The following SLFN12 variants were observed in gnomAD, a reference collection of about 807,000 sequenced individuals.
SLFN12 encodes the protein schlafen family member 12.
A neutral mutation model predicts 29.1 loss-of-function variants in SLFN12; 25 were observed. The ratio of observed to expected loss-of-function variants is 0.86; its 90% CI spans 0.63 to 1.20. The LOEUF (loss-of-function observed/expected upper bound fraction) is 1.20, where lower values mean the gene tolerates loss of function less well. SLFN12 is among the 50% of genes most tolerant of loss of function. The probability of loss-of-function intolerance (pLI) is 0.00; values close to 1 mark genes in which losing one functional copy is unlikely to be tolerated. For synonymous variants in SLFN12, 257 were observed against 238.7 expected (o/e 1.08, Z -0.71); for missense variants, 660 against 666.2 (o/e 0.99, Z 0.10).
chr17:35,415,400 C>G (rs1238484347), intron 3 of SLFN12, among the ~76,000 whole-genome samples: 1 of 152,006 alleles, frequency 6.6e-6, no homozygotes, highest in Non-Finnish European at 1.5e-5. Flanking sequence ...AGACCTGAAA[C>G]CATAAAAATT....
intron 3 of SLFN12, among the ~76,000 whole-genome samples, chr17:35,419,582 T>C (rs767979457): frequency 2.6e-5 from 4 of 152,006 alleles, no homozygotes; most frequent in Admixed American, 6.6e-5. Context: ...TTATACACAT[T>C]TGATTGAGAA....
chr17:35,419,274 T>C (rs1310971858), intron 3 of SLFN12, among the ~76,000 whole-genome samples: 2 of 152,216 alleles, frequency 1.3e-5, no homozygotes, highest in East Asian at 3.9e-4. Flanking sequence ...TTTGCCTACA[T>C]TAAAATTTAA....
At chr17:35,429,313 G>A (rs766769490) in intron 1 of SLFN12, among the ~76,000 whole-genome samples, 13 of 151,946 alleles carry the variant, frequency 8.6e-5, no homozygotes, top group Non-Finnish European at 1.8e-4. Context: ...AACTAGCCTG[G>A]GATCCCGGTC....
chr17:35,422,931 T>C lies in SLFN12; in HGVS notation c.98A>G (p.Asp33Gly). 4 of 1,613,916 alleles carry C rather than the reference T, an allele frequency of 2.5e-6. No individual in the cohort carries two copies. The highest frequency in any genetic ancestry group is 1.7e-5 in the Admixed American group (1 of 60,008). Residue 33 changes from aspartate (D) to glycine (G), a missense_variant, in exon 2 of 4, where the codon GAT (aspartate) becomes GGT (glycine). Physicochemically the swap from Asp to Gly is moderately conservative, Grantham distance 94 (BLOSUM62 -1). Coordinates refer to ENST00000304905, the MANE Select transcript of SLFN12 (RefSeq NM_018042.5). ...LGENSRKKMKDCKLRKKQNES... is the reference protein window; with the variant it reads ...LGENSRKKMKGCKLRKKQNES... The stretch of plus-strand genomic sequence containing the variant: ...ATTCTGCTTTTTTCTCAGTTTACAA[T>C]CCTTCATTTTTTTCCTACTGTTCTC...
chr17:35,426,419 A>G lies in SLFN12; in HGVS notation c.-40-3351T>C, dbSNP rs576455067. On this transcript the variant is annotated intron_variant, in intron 1 of 3. Coordinates refer to ENST00000304905, the MANE Select transcript of SLFN12 (RefSeq NM_018042.5). ...TCATATATTTTCTTCTAGTAGTTTTATAATTTCAGCTATTACATCTAAGTC... is the reference window on the plus strand; with the variant it reads ...TCATATATTTTCTTCTAGTAGTTTTGTAATTTCAGCTATTACATCTAAGTC... Among the ~76,000 whole-genome samples, 49 of 152,180 alleles carry G rather than the reference A, an allele frequency of 3.2e-4. 1 individual carries two copies. Among genetic ancestry groups the G allele is most frequent in the African/African-American group, 1.2e-3 (48 of 41,550 alleles).
rs200992312 is a variant in SLFN12, at chr17:35,420,295, G to A, written c.1126C>T (p.Arg376Trp). Residue 376 changes from arginine (R) to tryptophan (W), a missense_variant, in exon 3 of 4, where the codon CGG becomes TGG. Transcript: ENST00000304905. Reference sequence around the variant, plus strand: ...TTACCTGGACAGTGATGTCTCTGCCGTTGCCATTCCAAAAGAGGCCAACTG... The same window carrying A: ...TTACCTGGACAGTGATGTCTCTGCCATTGCCATTCCAAAAGAGGCCAACTG... ...PHSWPLLEWQ[R>W]QRHHCPGLSG... 41 of 1,612,818 alleles carry A rather than the reference G, an allele frequency of 2.5e-5. No homozygotes were observed. Among genetic ancestry groups the A allele is most frequent in the Middle Eastern group, 3.3e-4 (2 of 6,060 alleles).
intron 3 of SLFN12, among the ~76,000 whole-genome samples, chr17:35,417,574 C>G (rs1295142647): frequency 6.6e-6 from 1 of 152,028 alleles, no homozygotes; most frequent in Non-Finnish European, 1.5e-5. Flanking sequence ...GACACACTCT[C>G]TTTAAAATCT....
At chr17:35,430,526 G>C (rs997253495) in intron 1 of SLFN12, 3 of 152,076 alleles carry the variant, frequency 2.0e-5, no homozygotes, top group African/African-American at 7.2e-5. Context: ...GTGTCCTCAT[G>C]GTCGCATATT....
At chr17:35,431,802 C>T (rs1331548474) in intron 1 of SLFN12, 3 of 152,044 alleles carry the variant, frequency 2.0e-5, no homozygotes, top group Admixed American at 6.6e-5. Context: ...GAAATGGAGG[C>T]TAGGTGGGTT....
Position 35,411,679 on chromosome 17 carries a change from A to G in SLFN12, c.1396T>C (p.Phe466Leu). The G allele has an allele frequency of 1.9e-6, 3 of 1,613,866 alleles. No homozygotes were observed. Among genetic ancestry groups the G allele is most frequent in the Non-Finnish European group, 2.5e-6 (3 of 1,179,956 alleles). ...GCAGTTTGTGTAGAATAGCCTTTAAACTCCTCATCCTGTACCATGTGGAAG... is the reference window on the plus strand; with the variant it reads ...GCAGTTTGTGTAGAATAGCCTTTAAGCTCCTCATCCTGTACCATGTGGAAG... Reference protein sequence around the residue: ...YTFHMVQDEEFKGYSTQTALT... With the variant: ...YTFHMVQDEELKGYSTQTALT... Residue 466 changes from phenylalanine to leucine, a missense_variant, in exon 4 of 4, where the codon TTT becomes CTT. Transcript: ENST00000304905.
chr17:35,421,076 G>T (rs1457428419), intron 2 of SLFN12, among the ~76,000 whole-genome samples: 1 of 151,720 alleles, frequency 6.6e-6, no homozygotes, highest in Non-Finnish European at 1.5e-5. Context: ...GGGCGTGGTG[G>T]CGGGCACCTG....
At chr17:35,417,844 G>T (rs894853463) in intron 3 of SLFN12, among the ~76,000 whole-genome samples, 1 of 151,388 alleles carries the variant, frequency 6.6e-6, no homozygotes, top group African/African-American at 2.4e-5. Flanking sequence ...ACAAGAAAAT[G>T]GAACTTTTAA....
At chr17:35,421,534 CTTTTTTTTTTTT>C (rs770181686) in intron 2 of SLFN12, among the ~76,000 whole-genome samples, 1 of 104,296 alleles carries the variant, frequency 9.6e-6, no homozygotes, top group East Asian at 2.7e-4. Context: ...AGGCAGGGAA[CTTTTTTTTTTTT>C]TTTTTTTTTT....
chr17:35,411,959 A>G (rs780457162), intron 3 of SLFN12, 32 bp from the exon 4 acceptor site: 1 of 1,456,022 alleles, frequency 6.9e-7, no homozygotes, highest in Non-Finnish European at 9.1e-7. Context: ...ATAAATTATA[A>G]AACACTAGGA....
chr17:35,411,305 G>T lies in SLFN12; in HGVS notation c.*33C>A. 1 of 1,365,652 alleles carries T rather than the reference G, an allele frequency of 7.3e-7. No homozygotes were observed. The highest frequency in any genetic ancestry group is 9.9e-7 in the Non-Finnish European group (1 of 1,011,124). 84.6% of individuals were successfully genotyped at this position (1,365,652 alleles called of 1,614,324 possible). On this transcript the variant is annotated 3_prime_UTR_variant, in exon 4 of 4. Transcript: ENST00000304905. Reference sequence around the variant, plus strand: ...TAGAGAATGTTATCAAATATATAATGAAAAATATCTCAGTAGCCCAGTCCA... The same window carrying T: ...TAGAGAATGTTATCAAATATATAATTAAAAATATCTCAGTAGCCCAGTCCA...
At position 35,411,689 on chromosome 17, in the gene SLFN12, C is replaced by T. The variant is rs1911019759; in HGVS notation, c.1386G>A (p.Gln462=). Residue 462 remains glutamine, a synonymous_variant, in exon 4 of 4, where the codon CAG becomes CAA. Coordinates refer to ENST00000304905, the MANE Select transcript of SLFN12 (RefSeq NM_018042.5). ...TAGAATAGCCTTTAAACTCCTCATC[C>T]TGTACCATGTGGAAGGTGTATAGGA... The part of the protein sequence containing the change: ...PPVLYTFHMV[Q]DEEFKGYSTQ... 5 of 1,613,868 alleles carry T rather than the reference C, an allele frequency of 3.1e-6. No individual in the cohort carries two copies. The highest frequency in any genetic ancestry group is 4.2e-6 in the Non-Finnish European group (5 of 1,179,982).
intron 3 of SLFN12, among the ~76,000 whole-genome samples, chr17:35,416,790 A>G (rs12943300): frequency 1.3e-5 from 2 of 152,032 alleles, no homozygotes; most frequent in African/African-American, 4.8e-5. Context: ...ACAGTGGCTC[A>G]AGCCTGTAAT....
At chr17:35,419,616 C>T (rs996515850) in intron 3 of SLFN12, among the ~76,000 whole-genome samples, 4 of 152,018 alleles carry the variant, frequency 2.6e-5, no homozygotes, top group Non-Finnish European at 5.9e-5. Flanking sequence ...AGAAGGACAA[C>T]CATAAATAAG....
Position 35,422,975 on chromosome 17 carries a change from C to T in SLFN12, c.54G>A (p.Val18=). Residue 18 remains valine, a synonymous_variant, in exon 2 of 4, where the codon GTG becomes GTA. Coordinates refer to ENST00000304905, the MANE Select transcript of SLFN12 (RefSeq NM_018042.5). ...TGTTCTCTCCAAGAGTGACTCTTCC[C>T]ACATCTAGAACCAACTCGGCATAAT... ...ETNYAELVLD[V]GRVTLGENSR... 1.2e-6 allele frequency: 2 copies of T among 1,613,648 alleles called. No homozygotes were observed. The highest frequency in any genetic ancestry group is 1.7e-6 in the Non-Finnish European group (2 of 1,179,920).
Sources: allele counts gnomAD v4.1 joint callset (sites outside exome capture counted in the v4.1 genomes callset), GRCh38; gene constraint gnomAD v4.1.1; transcripts MANE v1.5; gene names NCBI Gene and HGNC (gene_info 2026-07-23, HGNC 2026-07-21).